The following SAMM50 variants were observed in gnomAD, a reference collection of about 807,000 sequenced individuals.
SAMM50 encodes the protein SAMM50 sorting and assembly machinery component.
SAMM50 carries 47 observed loss-of-function variants against 66.9 expected under a neutral mutation model. The observed-to-expected ratio is 0.70, with a 90% CI of 0.56 to 0.90. SAMM50 has a LOEUF of 0.90. Ranked by LOEUF, SAMM50 falls within the 40% of genes least tolerant of loss-of-function variation. The pLI, the probability that SAMM50 is intolerant of heterozygous loss-of-function variation, is 0.00. For missense variants in SAMM50, 535 were observed against 595.3 expected (o/e 0.90, Z 1.05); for synonymous variants, 191 against 214.1 (o/e 0.89, Z 0.94).
At position 43,972,243 on chromosome 22, in the gene SAMM50, C is replaced by T. The variant is rs748948842; in HGVS notation, c.330C>T (p.Asp110=). 7.0e-6 allele frequency: 11 copies of T among 1,566,108 alleles called. No individual in the cohort carries two copies. The highest frequency in any genetic ancestry group is 4.6e-5 in the East Asian group (2 of 43,860). The change falls in exon 5 of 15, where the codon GAC becomes GAT. Residue 110 remains aspartate (D), a synonymous_variant. Transcript: ENST00000350028. ...DVLIDTCQGD[D]ALPNGLDVTF... Reference sequence around the variant, plus strand: ...TAATATTTTTTTATTTAGGTGATGACGCACTTCCAAATGGGTTAGACGTTA... The same window carrying T: ...TAATATTTTTTTATTTAGGTGATGATGCACTTCCAAATGGGTTAGACGTTA...
intron 5 of SAMM50, among the ~76,000 whole-genome samples, chr22:43,972,572 T>G (rs2050209223): frequency 6.6e-6 from 1 of 152,242 alleles, no homozygotes; most frequent in African/African-American, 2.4e-5. Flanking sequence ...TGGAGAATGT[T>G]CATATTAATA....
intron 1 of SAMM50, among the ~76,000 whole-genome samples, chr22:43,960,841 G>A (rs930632980): frequency 6.6e-6 from 1 of 152,240 alleles, no homozygotes. Context: ...GGAATGGCTT[G>A]CAGGAGATGA....
chr22:43,973,415 A>G (rs2146814865), intron 7 of SAMM50, 92 bp downstream of exon 7: 1 of 762,392 alleles, frequency 1.3e-6, no homozygotes, highest in South Asian at 1.5e-5. Context: ...GGCAGCGTGG[A>G]AAGCACAGGC....
Position 43,991,226 on chromosome 22 carries a change from T to A in SAMM50, c.1364+820T>A, listed in dbSNP as rs568978270. ...CTCCTGACCTCGTGATCTGCCTGCC[T>A]CAGCCTCCCAAAGTGCTGGGATTAT... On this transcript the variant is annotated intron_variant, in intron 14 of 14. Coordinates refer to ENST00000350028, the MANE Select transcript of SAMM50 (RefSeq NM_015380.5). 1.1e-4 allele frequency among the ~76,000 whole-genome samples: 17 copies of A among 151,904 alleles called. No homozygotes were observed. In the South Asian group the frequency reaches 3.5e-3, roughly 32 times the overall value.
intron 4 of SAMM50, among the ~76,000 whole-genome samples, chr22:43,969,954 T>A (rs934708510): frequency 6.6e-6 from 1 of 152,196 alleles, no homozygotes; most frequent in African/African-American, 2.4e-5. Context: ...AATCTGTGAA[T>A]GAGTAACTCT....
At chr22:43,976,667 G>A in intron 8 of SAMM50, 83 bp from the exon 9 acceptor site, 1 of 957,258 alleles carries the variant, frequency 1.0e-6, no homozygotes, top group Middle Eastern at 2.1e-4. Flanking sequence ...TGCTAGCGTG[G>A]TGTGGCCCAC....
chr22:43,994,327 C>T (rs1201866839), intron 14 of SAMM50, among the ~76,000 whole-genome samples: 2 of 151,652 alleles, frequency 1.3e-5, no homozygotes. Context: ...CCCCGCTGAC[C>T]TTTTTCCCCT....
chr22:43,985,603 G>A (rs1488145460), intron 12 of SAMM50, among the ~76,000 whole-genome samples: 1 of 152,014 alleles, frequency 6.6e-6, no homozygotes, highest in Non-Finnish European at 1.5e-5. Context: ...TTCAGCTGCC[G>A]AAGGACAGCT....
At chr22:43,969,748 C>T (rs1014683607) in intron 4 of SAMM50, among the ~76,000 whole-genome samples, 6 of 152,116 alleles carry the variant, frequency 3.9e-5, no homozygotes, top group South Asian at 2.1e-4. Context: ...ATCAGGCCCA[C>T]GCCAGGGGAG....
intron 4 of SAMM50, 92 bp downstream of exon 4, chr22:43,968,910 G>A: frequency 1.2e-6 from 1 of 849,166 alleles, no homozygotes; most frequent in Non-Finnish European, 2.0e-6. Flanking sequence ...GGGCAGCAGA[G>A]CACTGCTCCC....
chr22:43,973,041 A>G lies in SAMM50; in HGVS notation c.560+40A>G, dbSNP rs749025776. The stretch of plus-strand genomic sequence containing the variant: ...AGATCATTGAGTACACTGGCCTGAT[A>G]GAAAAGTTAAAATAGGTGGCTTATT... On this transcript the variant is annotated intron_variant, in intron 6 of 14. Transcript: ENST00000350028. 8 of 1,573,394 alleles carry G rather than the reference A, an allele frequency of 5.1e-6. No individual in the cohort carries two copies. In the Admixed American group the frequency reaches 1.2e-4, roughly 24 times the overall value.
At chr22:43,956,494 C>T (rs2050120189) in intron 1 of SAMM50, among the ~76,000 whole-genome samples, 1 of 152,226 alleles carries the variant, frequency 6.6e-6, no homozygotes, top group African/African-American at 2.4e-5. Context: ...CGTTTCTCTT[C>T]TGACATCTCT....
intron 12 of SAMM50, 107 bp from the exon 13 acceptor site, chr22:43,989,004 T>G (rs1368634958): frequency 9.3e-6 from 10 of 1,079,150 alleles, no homozygotes; most frequent in Non-Finnish European, 1.2e-5. Flanking sequence ...CAGCACTGTG[T>G]GGCGTTGTTT....
intron 14 of SAMM50, among the ~76,000 whole-genome samples, chr22:43,992,475 C>A (rs1207231506): frequency 6.6e-6 from 1 of 152,234 alleles, no homozygotes; most frequent in African/African-American, 2.4e-5. Context: ...CCATTCCCCT[C>A]CACGCCTCTC....
chr22:43,990,521 T>A (rs2050318187), intron 14 of SAMM50, 115 bp downstream of exon 14: 3 of 1,069,320 alleles, frequency 2.8e-6, no homozygotes, highest in Non-Finnish European at 4.1e-6. Flanking sequence ...TTAAGAGAAT[T>A]AAATAGTTGC....
intron 3 of SAMM50, among the ~76,000 whole-genome samples, chr22:43,967,674 G>A (rs534169599): frequency 3.9e-5 from 6 of 152,190 alleles, no homozygotes; most frequent in African/African-American, 9.6e-5. Context: ...TGTGTGATCC[G>A]TTCTTTCTCA....
Position 43,983,830 on chromosome 22 carries a change from T to C in SAMM50, c.1008-103T>C, listed in dbSNP as rs2050276585. 1 of 765,322 alleles carries C rather than the reference T, an allele frequency of 1.3e-6. No individual in the cohort carries two copies. The allele number at this position is 765,322 out of a possible 1,614,324, so 47.4% of individuals were successfully genotyped here. On this transcript the variant is annotated intron_variant, in intron 11 of 14. Transcript: ENST00000350028. This position sits in a 1 kb window ranked among gnomAD's most constrained non-coding sequence, Gnocchi z 4.2. ...CCTTGTAAAAATGCTGTCGATAATC[T>C]AGTATCGAATGTGAGTCTGACATGT...
At chr22:43,971,114 G>T (rs1462224648) in intron 4 of SAMM50, among the ~76,000 whole-genome samples, 1 of 152,178 alleles carries the variant, frequency 6.6e-6, no homozygotes, top group Non-Finnish European at 1.5e-5. Flanking sequence ...GTTGTGGTGA[G>T]CTGAGATCAT....
intron 10 of SAMM50, among the ~76,000 whole-genome samples, chr22:43,979,833 G>A: frequency 6.6e-6 from 1 of 151,604 alleles, no homozygotes; most frequent in East Asian, 2.0e-4. Flanking sequence ...GAAGGCATTG[G>A]CTCACCCTGA....
Sources: allele counts gnomAD v4.1 joint callset (sites outside exome capture counted in the v4.1 genomes callset), GRCh38; gene constraint gnomAD v4.1.1; non-coding constraint Gnocchi (gnomAD v3.1); transcripts MANE v1.5; gene names NCBI Gene and HGNC (gene_info 2026-07-23, HGNC 2026-07-21).